PCDHGB6: variants seen among roughly 807,000 people sequenced by gnomAD.
PCDHGB6 encodes protocadherin gamma-B6.
Under a neutral mutation model 59.1 loss-of-function variants are expected in PCDHGB6, and 51 were observed. The ratio of observed to expected loss-of-function variants is 0.86; its 90% CI spans 0.69 to 1.09. The LOEUF (loss-of-function observed/expected upper bound fraction) is 1.09, where lower values mean the gene tolerates loss of function less well. PCDHGB6 is among the 50% of genes least tolerant of loss of function. The pLI is 0.00. For missense variants in PCDHGB6, 1,148 were observed against 1,205.1 expected (o/e 0.95, Z 0.70); for synonymous variants, 466 against 495.1 (o/e 0.94, Z 0.78).
chr5:141,443,443 G>A (rs2098388456), intron 1 of PCDHGB6, among the ~76,000 whole-genome samples: 1 of 152,124 alleles, frequency 6.6e-6, no homozygotes, highest in African/African-American at 2.4e-5. Flanking sequence ...CTGTGGTTGC[G>A]CTCCTGTACT....
Position 141,486,639 on chromosome 5 carries a change from T to G in PCDHGB6, c.2419-8168T>G, listed in dbSNP as rs1250700423. ...GACCCAGACTCTGGCTTGAATGCGC[T>G]TATCTCCTACTCACTCCTGGAGCCC... On this transcript the variant is annotated intron_variant, in intron 1 of 3. Transcript: ENST00000520790. The surrounding 1 kb of genome is among the most constrained non-coding windows in gnomAD (Gnocchi z 5.0). The G allele has an allele frequency of 6.2e-7, 1 of 1,613,818 alleles. No individual in the cohort carries two copies. The highest frequency in any genetic ancestry group is 1.1e-5 in the South Asian group (1 of 91,084).
chr5:141,425,483 C>A (rs1172308088), intron 1 of PCDHGB6, among the ~76,000 whole-genome samples: 2 of 152,304 alleles, frequency 1.3e-5, no homozygotes, highest in Non-Finnish European at 2.9e-5. Flanking sequence ...CTATGGCAAC[C>A]TACTAGGCTA....
rs1264017483 is a variant in PCDHGB6 at position 141,477,989 on chromosome 5, A to G, written c.2419-16818A>G. The G allele has an allele frequency of 5.6e-6, 9 of 1,614,086 alleles. No individual in the cohort carries two copies. The highest frequency in any genetic ancestry group is 1.6e-4 in the Middle Eastern group (1 of 6,062). On this transcript the variant is annotated intron_variant, in intron 1 of 3. Coordinates refer to ENST00000520790, the MANE Select transcript of PCDHGB6 (RefSeq NM_018926.3). The surrounding 1 kb of genome is among the most constrained non-coding windows in gnomAD (Gnocchi z 4.9). ...GAGCCTTTTTGCCATAGGGCTGCACACTGGTCAAATCAGTACTGCCCGTCC... is the reference window on the plus strand; with the variant it reads ...GAGCCTTTTTGCCATAGGGCTGCACGCTGGTCAAATCAGTACTGCCCGTCC...
In PCDHGB6 at chr5:141,420,282, T is replaced by C. The variant is rs543435018; in HGVS notation, c.2418+9662T>C. 2.1e-5 allele frequency: 31 copies of C among 1,510,188 alleles called. No homozygotes were observed. In the African/African-American group the frequency reaches 4.0e-4, roughly 20 times the overall value. 93.5% of individuals were successfully genotyped at this position (1,510,188 alleles called of 1,614,324 possible). On this transcript the variant is annotated intron_variant, in intron 1 of 3. Coordinates refer to ENST00000520790, the MANE Select transcript of PCDHGB6 (RefSeq NM_018926.3). ...AAGAAGATTCTTAAACAGGTAAGTA[T>C]TTAAAAATGTATTTAATCCTTTTTA...
chr5:141,423,058 A>G (rs1235938743), intron 1 of PCDHGB6: 3 of 1,614,022 alleles, frequency 1.9e-6, no homozygotes, highest in African/African-American at 2.7e-5. Flanking sequence ...TCGCCTGCTT[A>G]AGGCCAGCGA....
chr5:141,440,330 G>A (rs1377511406), intron 1 of PCDHGB6: 1 of 152,162 alleles, frequency 6.6e-6, no homozygotes, highest in Non-Finnish European at 1.5e-5. Context: ...ACTGGGCATG[G>A]TGGTGCAGGC....
intron 1 of PCDHGB6, among the ~76,000 whole-genome samples, chr5:141,461,126 T>C (rs575819058): frequency 6.6e-6 from 1 of 152,260 alleles, no homozygotes; most frequent in Non-Finnish European, 1.5e-5. Flanking sequence ...TTTCATATAA[T>C]TACTTATTTT....
chr5:141,468,809 T>A (rs1473677700), intron 1 of PCDHGB6, among the ~76,000 whole-genome samples: 1 of 151,850 alleles, frequency 6.6e-6, no homozygotes, highest in Admixed American at 6.6e-5. Flanking sequence ...GAACTTGCAG[T>A]GAGCCAAGAT....
Position 141,438,239 on chromosome 5 carries a change from A to C in PCDHGB6, c.2418+27619A>C, listed in dbSNP as rs550172792. Among the ~76,000 whole-genome samples, 9 of 152,298 alleles carry C rather than the reference A, an allele frequency of 5.9e-5. No homozygotes were observed. In the East Asian group the frequency reaches 1.7e-3, roughly 29 times the overall value. On this transcript the variant is annotated intron_variant, in intron 1 of 3. Transcript: ENST00000520790. ...GCTCTGGTTCAGGAAAATGTTTTTA[A>C]AAAACTGTCATTGAAGAGACCATAG...
chr5:141,470,825 C>T (rs557419577), intron 1 of PCDHGB6, among the ~76,000 whole-genome samples: 5 of 152,064 alleles, frequency 3.3e-5, no homozygotes, highest in Admixed American at 1.3e-4. Context: ...GTAGTTAGGA[C>T]GACAAACACA....
Position 141,487,893 on chromosome 5 carries a change from G to A in PCDHGB6, c.2419-6914G>A. Reference sequence around the variant, plus strand: ...AGCCAGGCTGTTGTGGAAGCATGATGATGGAATGTGGGAGCACAGGAGGCT... The same window carrying A: ...AGCCAGGCTGTTGTGGAAGCATGATAATGGAATGTGGGAGCACAGGAGGCT... On this transcript the variant is annotated intron_variant, in intron 1 of 3. Coordinates refer to ENST00000520790, the MANE Select transcript of PCDHGB6 (RefSeq NM_018926.3). The surrounding 1 kb of genome is among the most constrained non-coding windows in gnomAD (Gnocchi z 5.0). The A allele has an allele frequency of 1.4e-6, 1 of 731,472 alleles. No individual in the cohort carries two copies. The highest frequency in any genetic ancestry group is 2.2e-6 in the Non-Finnish European group (1 of 450,166). 45.3% of individuals were successfully genotyped at this position (731,472 alleles called of 1,614,324 possible). A position where few individuals can be genotyped will look rare whatever the true frequency, so the allele number is the denominator to read the frequency against.
chr5:141,421,537 T>C (rs11167744), intron 1 of PCDHGB6: 139,246 of 1,613,908 alleles, frequency 0.086, 6,702 homozygotes, highest in East Asian at 0.14. Context: ...GTCCTCCTGT[T>C]TTTTAAATAT....
intron 1 of PCDHGB6, among the ~76,000 whole-genome samples, chr5:141,454,353 A>G (rs2098787486): frequency 1.3e-5 from 2 of 152,238 alleles, no homozygotes; most frequent in Non-Finnish European, 2.9e-5. Context: ...AGTTGATCCA[A>G]ACTTAGAAAG....
At chr5:141,483,425 G>A (rs1460083757) in intron 1 of PCDHGB6, among the ~76,000 whole-genome samples, 1 of 152,116 alleles carries the variant, frequency 6.6e-6, no homozygotes, top group Non-Finnish European at 1.5e-5. Flanking sequence ...ACAGATGGAG[G>A]GAGCTGACTA....
chr5:141,433,514 G>C (rs1330494451), intron 1 of PCDHGB6, among the ~76,000 whole-genome samples: 1 of 152,016 alleles, frequency 6.6e-6, no homozygotes, highest in East Asian at 1.9e-4. Context: ...GATTACAGGC[G>C]TGAACCACAG....
intron 1 of PCDHGB6, chr5:141,415,308 C>G (rs2154545628): frequency 6.2e-7 from 1 of 1,614,236 alleles, no homozygotes; most frequent in Non-Finnish European, 8.5e-7. Context: ...TCCTGGCCTT[C>G]GTCATCGTGC....
At chr5:141,422,473 G>A (rs2096650443) in intron 1 of PCDHGB6, 7 of 1,613,740 alleles carry the variant, frequency 4.3e-6, no homozygotes, top group Non-Finnish European at 5.1e-6. Context: ...CAGGGAGTTG[G>A]TCCAGAGCTA....
At position 141,486,055 on chromosome 5, in the gene PCDHGB6, C is replaced by T; in HGVS notation, c.2419-8752C>T. 6.2e-7 allele frequency: 1 copy of T among 1,614,170 alleles called. No individual in the cohort carries two copies. ...CTGATCGTGTAAGAAACCTCTTTAG[C>T]CTGCACCCCACTACTGGAAAGCTTA... On this transcript the variant is annotated intron_variant, in intron 1 of 3. Transcript: ENST00000520790. The surrounding 1 kb of genome is among the most constrained non-coding windows in gnomAD (Gnocchi z 5.0).
chr5:141,420,030 G>A (rs1269646706), intron 1 of PCDHGB6: 1 of 1,613,940 alleles, frequency 6.2e-7, no homozygotes, highest in Non-Finnish European at 8.5e-7. Flanking sequence ...CCTACTGCAG[G>A]AGACTGCTTT....
Sources: gnomAD v4.1 joint callset for allele counts (sites outside exome capture counted in the v4.1 genomes callset) on GRCh38, gnomAD v4.1.1 for gene constraint, Gnocchi (gnomAD v3.1) non-coding constraint, MANE v1.5 for transcripts, NCBI Gene and HGNC (gene_info 2026-07-23, HGNC 2026-07-21) for gene names.